The following OXSR1 variants were observed in gnomAD, a reference collection of about 807,000 sequenced individuals.
OXSR1 encodes the protein oxidative stress responsive kinase 1.
OXSR1 carries 24 observed loss-of-function variants against 79.8 expected under a neutral mutation model. The ratio of observed to expected loss-of-function variants is 0.30; its 90% confidence interval spans 0.22 to 0.42. The LOEUF (loss-of-function observed/expected upper bound fraction) is 0.42, where lower values mean the gene tolerates loss of function less well. OXSR1 is among the 10% of genes least tolerant of loss of function. The pLI, the probability that OXSR1 is intolerant of heterozygous loss-of-function variation, is 1.00. For synonymous variants in OXSR1, 226 were observed against 209.2 expected (o/e 1.08, Z -0.69); for missense variants, 430 against 618.4 (o/e 0.70, Z 3.23).
At chr3:38,246,301 T>G in intron 13 of OXSR1, 80 bp downstream of exon 13, 1 of 1,359,436 alleles carries the variant, frequency 7.4e-7, no homozygotes, top group Non-Finnish European at 1.0e-6. Flanking sequence ...TATAACCTAA[T>G]GTAATCAGGT....
intron 12 of OXSR1, among the ~76,000 whole-genome samples, chr3:38,244,672 C>CGCGT (rs1277357404): frequency 7.6e-4 from 6 of 7,908 alleles, no homozygotes; most frequent in East Asian, 0.021. Flanking sequence ...TGTGTGCGTG[C>CGCGT]GCATGTACCA....
Position 38,229,708 on chromosome 3 carries a change from A to T in OXSR1, c.858A>T (p.Leu286Phe). The T allele has an allele frequency of 1.2e-6, 2 of 1,612,060 alleles. No individual in the cohort carries two copies. The highest frequency in any genetic ancestry group is 1.7e-6 in the Non-Finnish European group (2 of 1,178,940). ...TTAGACCAACAGCAGCAGAACTATT[A>T]AGGCACAAATTTTTCCAGAAAGCAA... ...PEKRPTAAEL[L>F]RHKFFQKAKN... is the part of the protein sequence containing the mutation. Residue 286 changes from leucine to phenylalanine, a missense_variant, in exon 9 of 18, where the codon TTA becomes TTT. By Grantham distance (22) the Leu-to-Phe change is conservative. Transcript: ENST00000311806.
At chr3:38,186,181 G>A (rs1354894030) in intron 2 of OXSR1, among the ~76,000 whole-genome samples, 1 of 151,688 alleles carries the variant, frequency 6.6e-6, no homozygotes, top group Non-Finnish European at 1.5e-5. Flanking sequence ...GAAAAAATTA[G>A]GATTTTATTT....
chr3:38,191,349 A>G (rs768596903), intron 3 of OXSR1, among the ~76,000 whole-genome samples: 5 of 152,142 alleles, frequency 3.3e-5, no homozygotes, highest in Middle Eastern at 6.8e-3. Flanking sequence ...TACAGGTGTG[A>G]GCCATTGTGC....
At chr3:38,173,588 C>T (rs1035536141) in intron 1 of OXSR1, among the ~76,000 whole-genome samples, 1 of 152,198 alleles carries the variant, frequency 6.6e-6, no homozygotes, top group Non-Finnish European at 1.5e-5. Context: ...ATAGACTTGG[C>T]ACACAGAATG....
In OXSR1 at chr3:38,199,885, C is replaced by T. The variant is rs1461881945; in HGVS notation, c.434+1022C>T. ...CTAGTCCCATCATGTGGACTCCCAC[C>T]TGGTGCCAGTGGGGCTTCCATTCAG... On this transcript the variant is annotated intron_variant, in intron 4 of 17. Coordinates refer to ENST00000311806, the MANE Select transcript of OXSR1 (RefSeq NM_005109.3). 2.0e-5 allele frequency among the ~76,000 whole-genome samples: 3 copies of T among 152,320 alleles called. No individual in the cohort carries two copies. The Middle Eastern group carries it at 0.01, about 518-fold the overall frequency.
intron 12 of OXSR1, 104 bp downstream of exon 12, chr3:38,242,882 T>G (rs1703063587): frequency 1.5e-6 from 1 of 647,154 alleles, no homozygotes; most frequent in African/African-American, 1.9e-5. Flanking sequence ...TAAATGGGAA[T>G]GCAACTTTAT....
intron 1 of OXSR1, among the ~76,000 whole-genome samples, chr3:38,176,491 C>T (rs945155955): frequency 3.3e-5 from 5 of 152,044 alleles, no homozygotes; most frequent in African/African-American, 1.2e-4. Context: ...GAGTTTTTAC[C>T]GCATTACCAT....
chr3:38,180,985 T>C (rs558994263), intron 1 of OXSR1, among the ~76,000 whole-genome samples: 2 of 152,306 alleles, frequency 1.3e-5, no homozygotes, highest in Non-Finnish European at 2.9e-5. Context: ...TGCAAAGTCC[T>C]TTTTTGCCAC....
chr3:38,220,685 A>G (rs545200547), intron 5 of OXSR1, among the ~76,000 whole-genome samples: 3 of 152,346 alleles, frequency 2.0e-5, no homozygotes, highest in Admixed American at 1.3e-4. Context: ...GGATGCTGTT[A>G]GCATGGCTCA....
chr3:38,202,030 G>A (rs2125822151), intron 4 of OXSR1, among the ~76,000 whole-genome samples: 1 of 152,338 alleles, frequency 6.6e-6, no homozygotes, highest in East Asian at 1.9e-4. Context: ...GAGGCTGATG[G>A]AAAATCAAGA....
At chr3:38,181,197 A>G (rs1341477412) in intron 1 of OXSR1, among the ~76,000 whole-genome samples, 3 of 151,752 alleles carry the variant, frequency 2.0e-5, no homozygotes, top group African/African-American at 7.3e-5. Context: ...AAGTTCACCA[A>G]ATTTATCTTC....
intron 11 of OXSR1, among the ~76,000 whole-genome samples, chr3:38,241,610 TAGAAAG>T (rs1703037171): frequency 6.6e-6 from 1 of 151,998 alleles, no homozygotes; most frequent in African/African-American, 2.4e-5. Flanking sequence ...AAAATATATT[TAGAAAG>T]AGAAAGTGAG....
intron 4 of OXSR1, among the ~76,000 whole-genome samples, chr3:38,206,677 A>G (rs1406935838): frequency 6.6e-6 from 1 of 152,252 alleles, no homozygotes; most frequent in African/African-American, 2.4e-5. Context: ...TGGATATGCT[A>G]AGTAAAAGAG....
chr3:38,234,239 AAG>A (rs1212541255), intron 10 of OXSR1, among the ~76,000 whole-genome samples: 1 of 152,354 alleles, frequency 6.6e-6, no homozygotes, highest in African/African-American at 2.4e-5. Flanking sequence ...TAAAAGGAAA[AAG>A]TAGGTAAATT....
At chr3:38,172,007 A>C (rs1701591719) in intron 1 of OXSR1, among the ~76,000 whole-genome samples, 1 of 152,172 alleles carries the variant, frequency 6.6e-6, no homozygotes, top group Admixed American at 6.5e-5. Context: ...AATAGTACCT[A>C]TGTCACTGGG....
chr3:38,205,292 G>T (rs910825390), intron 4 of OXSR1, among the ~76,000 whole-genome samples: 2 of 152,220 alleles, frequency 1.3e-5, no homozygotes, highest in Non-Finnish European at 2.9e-5. Context: ...GCTTTTTCAT[G>T]TAGGTAGTTG....
At chr3:38,189,633 A>G (rs1701947279) in intron 2 of OXSR1, among the ~76,000 whole-genome samples, 1 of 152,212 alleles carries the variant, frequency 6.6e-6, no homozygotes, top group Non-Finnish European at 1.5e-5. Flanking sequence ...TAGGGCAGGT[A>G]CATTAATAGG....
At chr3:38,186,616 A>G (rs1271737834) in intron 2 of OXSR1, among the ~76,000 whole-genome samples, 3 of 152,232 alleles carry the variant, frequency 2.0e-5, no homozygotes, top group African/African-American at 4.8e-5. Context: ...AAGTTCATCC[A>G]TATTGTAGCA....
Sources: allele counts gnomAD v4.1 joint callset (sites outside exome capture counted in the v4.1 genomes callset), GRCh38; gene constraint gnomAD v4.1.1; transcripts MANE v1.5; gene names NCBI Gene and HGNC (gene_info 2026-07-23, HGNC 2026-07-21).